The following BANP variants were observed in gnomAD, a reference collection of about 807,000 sequenced individuals.
BANP encodes protein BANP.
BANP carries 11 observed loss-of-function variants against 68.1 expected under a neutral mutation model. That is an observed-to-expected ratio of 0.16 (90% confidence interval 0.10 to 0.27). BANP has a LOEUF of 0.27. Among genes scored for constraint, BANP ranks in the 10% least tolerant of loss-of-function variants. BANP has a pLI of 1.00. For synonymous variants in BANP, 329 were observed against 303.2 expected (o/e 1.09, Z -0.88); for missense variants, 504 against 722.7 (o/e 0.70, Z 3.47).
At chr16:88,073,384 T>G (rs1397958430) in intron 13 of BANP, among the ~76,000 whole-genome samples, 1 of 151,870 alleles carries the variant, frequency 6.6e-6, no homozygotes, top group Non-Finnish European at 1.5e-5. Context: ...ATGGGCACGG[T>G]GGCCCCTGCA....
chr16:88,021,631 A>G (rs1375477175), intron 7 of BANP, among the ~76,000 whole-genome samples: 1 of 152,180 alleles, frequency 6.6e-6, no homozygotes, highest in African/African-American at 2.4e-5. Flanking sequence ...GCCCAGTTTC[A>G]TTCTTATTGC....
In BANP at chr16:88,035,271, C is replaced by G. The variant is rs1220661173; in HGVS notation, c.1201-52C>G. The G allele has an allele frequency of 3.4e-6, 5 of 1,463,694 alleles. No homozygotes were observed. In the South Asian group the frequency reaches 3.6e-5, roughly 11 times the overall value. The allele number at this position is 1,463,694 out of a possible 1,614,324, so 90.7% of individuals were successfully genotyped here. On this transcript the variant is annotated intron_variant, in intron 9 of 13. Coordinates refer to ENST00000682872, the MANE Select transcript of BANP (RefSeq NM_001386991.1). Reference sequence around the variant, plus strand: ...ACATTCCGGAAGATGTTTCTTGTTTCCTTTGCTTTTGATTTTCTTCTGATG... The same window carrying G: ...ACATTCCGGAAGATGTTTCTTGTTTGCTTTGCTTTTGATTTTCTTCTGATG...
intron 13 of BANP, among the ~76,000 whole-genome samples, chr16:88,076,357 G>A (rs1467733916): frequency 2.0e-5 from 3 of 152,208 alleles, no homozygotes; most frequent in East Asian, 3.9e-4. Flanking sequence ...GGGGCGGGCC[G>A]GGGCCTGGGT....
intron 7 of BANP, among the ~76,000 whole-genome samples, chr16:88,024,497 G>A (rs1411247799): frequency 2.0e-5 from 3 of 152,208 alleles, no homozygotes; most frequent in Non-Finnish European, 2.9e-5. Context: ...GATTTTTCCC[G>A]CTCCCTGTTA....
At chr16:88,072,860 C>T (rs148722003) in intron 13 of BANP, among the ~76,000 whole-genome samples, 1 of 152,354 alleles carries the variant, frequency 6.6e-6, no homozygotes, top group Non-Finnish European at 1.5e-5. Flanking sequence ...CTCCGTGCCA[C>T]CTGCTTTGGG....
chr16:88,043,210 T>TG (rs2081233039), intron 11 of BANP, among the ~76,000 whole-genome samples: 1 of 152,174 alleles, frequency 6.6e-6, no homozygotes, highest in Non-Finnish European at 1.5e-5. Context: ...CCACTGCTGT[T>TG]GGAGTTGAAA....
intron 1 of BANP, among the ~76,000 whole-genome samples, chr16:87,961,407 GCA>G (rs2059110494): frequency 8.5e-6 from 1 of 117,570 alleles, no homozygotes; most frequent in Admixed American, 8.8e-5. Flanking sequence ...CACAGAATCT[GCA>G]CCCCCCCGGG....
At chr16:87,977,292 G>A (rs990184750) in intron 2 of BANP, among the ~76,000 whole-genome samples, 5 of 152,164 alleles carry the variant, frequency 3.3e-5, no homozygotes, top group Non-Finnish European at 7.3e-5. Flanking sequence ...GGTGGCGGGC[G>A]CCTGTAGTCC....
At chr16:88,034,817 C>G (rs896659144) in intron 9 of BANP, among the ~76,000 whole-genome samples, 3 of 152,216 alleles carry the variant, frequency 2.0e-5, no homozygotes, top group African/African-American at 7.2e-5. Flanking sequence ...CAGCAGCCCC[C>G]CCTTACCCAT....
intron 11 of BANP, among the ~76,000 whole-genome samples, chr16:88,043,756 G>A (rs2081340971): frequency 6.6e-6 from 1 of 152,152 alleles, no homozygotes; most frequent in South Asian, 2.1e-4. Context: ...GAGGGAGAGA[G>A]TACGTTCAGA....
intron 2 of BANP, among the ~76,000 whole-genome samples, chr16:87,975,663 CT>C (rs2061948504): frequency 6.6e-6 from 1 of 151,236 alleles, no homozygotes; most frequent in Non-Finnish European, 1.5e-5. Context: ...GTGTAATCCC[CT>C]GTGTGTGGCG....
chr16:88,052,051 C>G lies in BANP; in HGVS notation c.1312-13216C>G, dbSNP rs7404984. Among the ~76,000 whole-genome samples, 4 of 152,176 alleles carry G rather than the reference C, an allele frequency of 2.6e-5. No individual in the cohort carries two copies. In the South Asian group the frequency reaches 8.3e-4, roughly 32 times the overall value. On this transcript the variant is annotated intron_variant, in intron 11 of 13. Coordinates refer to ENST00000682872, the MANE Select transcript of BANP (RefSeq NM_001386991.1). ...TCAGATACCTCTTGAAGCACTGTATCTGGAGTTTCTCTCATTGGGCACTCT... is the reference window on the plus strand; with the variant it reads ...TCAGATACCTCTTGAAGCACTGTATGTGGAGTTTCTCTCATTGGGCACTCT...
chr16:88,052,653 CATCACAACCACCCTAACAACTGCT>C (rs2083525307), intron 11 of BANP, among the ~76,000 whole-genome samples: 1 of 151,940 alleles, frequency 6.6e-6, no homozygotes, highest in African/African-American at 2.4e-5. Flanking sequence ...TTGCCACCAT[CATCACAACCACCCTAACAACTGCT>C]ATCACCACCA....
At chr16:87,974,961 C>A in intron 1 of BANP, 87 bp from the exon 2 acceptor site, 1 of 645,848 alleles carries the variant, frequency 1.5e-6, no homozygotes, top group Non-Finnish European at 2.8e-6. Flanking sequence ...CGGCCTCTTG[C>A]ATACACGTGC....
At chr16:87,978,417 AG>A (rs1255879982) in intron 2 of BANP, 2 of 348,050 alleles carry the variant, frequency 5.7e-6, no homozygotes, top group Non-Finnish European at 1.1e-5. Context: ...AATGAGTACG[AG>A]GGTCTCTCTC....
intron 12 of BANP, among the ~76,000 whole-genome samples, chr16:88,066,124 C>T (rs2152896002): frequency 6.6e-6 from 1 of 152,358 alleles, no homozygotes; most frequent in South Asian, 2.1e-4. Context: ...GACGGGGCTT[C>T]TCCCAGACAC....
rs377342911 is a variant in BANP at position 88,014,076 on chromosome 16, G to A, written c.656-4352G>A. 4.5e-4 allele frequency among the ~76,000 whole-genome samples: 68 copies of A among 152,338 alleles called. 1 individual carries two copies. In the South Asian group the frequency reaches 0.013, roughly 30 times the overall value. On this transcript the variant is annotated intron_variant, in intron 6 of 13. Coordinates refer to ENST00000682872, the MANE Select transcript of BANP (RefSeq NM_001386991.1). ...TGGGAGGACAGGCCAGGTGGCCTTG[G>A]GGTAACTCTGGTGGGGCAGAGTTTA...
rs1463997471 is a variant in BANP at position 88,001,354 on chromosome 16, G to A, written c.363-2941G>A. Among the ~76,000 whole-genome samples, 4 of 151,770 alleles carry A rather than the reference G, an allele frequency of 2.6e-5. 1 individual carries two copies. The highest frequency in any genetic ancestry group is 2.4e-5 in the African/African-American group (1 of 41,360). On this transcript the variant is annotated intron_variant, in intron 4 of 13. Coordinates refer to ENST00000682872, the MANE Select transcript of BANP (RefSeq NM_001386991.1). ...GATACCCAGACACGTCTCCATGCAC[G>A]CACGTGCGTGGCTGGACTTACCTGT...
chr16:88,019,188 A>T (rs1309005727), intron 7 of BANP, among the ~76,000 whole-genome samples: 2 of 152,094 alleles, frequency 1.3e-5, no homozygotes, highest in African/African-American at 4.8e-5. Context: ...CCGGCCTGTG[A>T]CGTCTCCGTC....
Sources: allele counts gnomAD v4.1 joint callset (sites outside exome capture counted in the v4.1 genomes callset), GRCh38; gene constraint gnomAD v4.1.1; transcripts MANE v1.5; gene names NCBI Gene and HGNC (gene_info 2026-07-23, HGNC 2026-07-21).